The following RANBP17 variants were observed in gnomAD, a reference collection of about 807,000 sequenced individuals.
RANBP17 encodes the protein ran-binding protein 17.
In RANBP17, 158 loss-of-function variants were observed where a neutral mutation model predicts 141.2. The ratio of observed to expected loss-of-function variants is 1.12; its 90% CI spans 0.98 to 1.28. RANBP17 has a LOEUF of 1.28. RANBP17 is among the 50% of genes most tolerant of loss of function. RANBP17 has a pLI of 0.00. For synonymous variants in RANBP17, 430 were observed against 450.0 expected, an observed-to-expected ratio of 0.96 and a Z score of 0.56; for missense variants, 1,438 against 1,290.7, an observed-to-expected ratio of 1.11 and a Z score of -1.75.
At chr5:170,930,034 T>G (rs986052443) in intron 12 of RANBP17, among the ~76,000 whole-genome samples, 8 of 152,184 alleles carry the variant, frequency 5.3e-5, no homozygotes, top group African/African-American at 1.9e-4. Context: ...ATTGATAATT[T>G]TGTCATTTTT....
chr5:171,064,938 T>C (rs1784209653), intron 14 of RANBP17, among the ~76,000 whole-genome samples: 1 of 152,240 alleles, frequency 6.6e-6, no homozygotes, highest in Non-Finnish European at 1.5e-5. Context: ...GTGAATGTTT[T>C]TCCCAATTTT....
intron 14 of RANBP17, among the ~76,000 whole-genome samples, chr5:171,011,259 G>A (rs544327204): frequency 3.3e-5 from 5 of 152,074 alleles, no homozygotes; most frequent in African/African-American, 1.2e-4. Context: ...TGCTTAGTTT[G>A]CCATCACATA....
intron 21 of RANBP17, among the ~76,000 whole-genome samples, chr5:171,221,100 A>G (rs187106679): frequency 6.6e-6 from 1 of 152,190 alleles, no homozygotes; most frequent in Non-Finnish European, 1.5e-5. Flanking sequence ...TAAAAATCAA[A>G]TATGTCAGGA....
chr5:170,881,172 A>G (rs557974861), intron 2 of RANBP17, among the ~76,000 whole-genome samples: 10 of 152,370 alleles, frequency 6.6e-5, no homozygotes, highest in Admixed American at 1.3e-4. Flanking sequence ...CAACCCATGT[A>G]AAAACAGGCA....
intron 14 of RANBP17, among the ~76,000 whole-genome samples, chr5:170,971,843 C>T (rs1777012279): frequency 6.6e-6 from 1 of 152,094 alleles, no homozygotes; most frequent in Non-Finnish European, 1.5e-5. Context: ...TTTGCTTCTC[C>T]CCACTCCACT....
At chr5:171,244,417 A>G (rs1424263495) in intron 24 of RANBP17, among the ~76,000 whole-genome samples, 2 of 151,990 alleles carry the variant, frequency 1.3e-5, no homozygotes. Context: ...CATTTTAGAC[A>G]TTATATTTTT....
At chr5:171,066,276 C>T (rs998108276) in intron 14 of RANBP17, among the ~76,000 whole-genome samples, 1 of 152,152 alleles carries the variant, frequency 6.6e-6, no homozygotes, top group Non-Finnish European at 1.5e-5. Context: ...ACTTATTTCT[C>T]CTATCCCACT....
chr5:170,935,362 G>A (rs774676551), intron 12 of RANBP17, among the ~76,000 whole-genome samples: 7 of 152,208 alleles, frequency 4.6e-5, no homozygotes, highest in African/African-American at 1.2e-4. Flanking sequence ...GAGGAGCTGC[G>A]TTCCTTTGGA....
chr5:171,142,148 C>G (rs1757746484), intron 14 of RANBP17, among the ~76,000 whole-genome samples: 1 of 152,194 alleles, frequency 6.6e-6, no homozygotes, highest in East Asian at 1.9e-4. Flanking sequence ...CATGAGTTTA[C>G]TTTTGGTTTT....
chr5:171,090,349 T>C (rs1023542138), intron 14 of RANBP17, among the ~76,000 whole-genome samples: 3 of 152,152 alleles, frequency 2.0e-5, no homozygotes, highest in Non-Finnish European at 4.4e-5. Context: ...GGAATTTGAA[T>C]TCGAGAGAGA....
At chr5:171,160,728 C>A (rs1759288414) in intron 14 of RANBP17, among the ~76,000 whole-genome samples, 1 of 152,100 alleles carries the variant, frequency 6.6e-6, no homozygotes, top group African/African-American at 2.4e-5. Context: ...CTGCTTAAGT[C>A]ATTAGCCTCA....
intron 14 of RANBP17, among the ~76,000 whole-genome samples, chr5:171,062,244 C>A (rs916775291): frequency 2.0e-5 from 3 of 152,306 alleles, no homozygotes; most frequent in Non-Finnish European, 1.5e-5. Context: ...GATGGAGTTT[C>A]TTCCTAGCCT....
chr5:171,040,030 A>G (rs1782153546), intron 14 of RANBP17, among the ~76,000 whole-genome samples: 1 of 152,112 alleles, frequency 6.6e-6, no homozygotes, highest in South Asian at 2.1e-4. Flanking sequence ...CCGTGAAGCC[A>G]GCATCAGCCT....
At chr5:170,915,753 C>G (rs959983216) in intron 8 of RANBP17, among the ~76,000 whole-genome samples, 1 of 151,776 alleles carries the variant, frequency 6.6e-6, no homozygotes, top group Non-Finnish European at 1.5e-5. Context: ...TTCCCCCTGC[C>G]CCCCCCAACA....
At chr5:171,147,378 TGTGG>T (rs1488282832) in intron 14 of RANBP17, among the ~76,000 whole-genome samples, 1 of 146,082 alleles carries the variant, frequency 6.8e-6, no homozygotes, top group Non-Finnish European at 1.5e-5. Flanking sequence ...TGTGTGTGTG[TGTGG>T]TTGTTTGTTT....
intron 21 of RANBP17, among the ~76,000 whole-genome samples, chr5:171,221,334 A>T (rs1477811480): frequency 2.0e-5 from 3 of 152,210 alleles, no homozygotes; most frequent in East Asian, 3.8e-4. Flanking sequence ...ATCACTTTAG[A>T]ATTTGTTTTA....
At chr5:171,146,643 A>G (rs1484270632) in intron 14 of RANBP17, among the ~76,000 whole-genome samples, 2 of 152,230 alleles carry the variant, frequency 1.3e-5, no homozygotes, top group Non-Finnish European at 2.9e-5. Context: ...CCCCCAAAAT[A>G]GAACAACTTC....
At chr5:170,918,428 A>ACACACACACAC (rs1554134261) in intron 9 of RANBP17, 52 of 229,066 alleles carry the variant, frequency 2.3e-4, no homozygotes, top group Non-Finnish European at 3.4e-4. Flanking sequence ...ACACACACAC[A>ACACACACACAC]ACTTTTGTGT....
intron 25 of RANBP17, among the ~76,000 whole-genome samples, chr5:171,273,835 T>C (rs1052084303): frequency 1.3e-5 from 2 of 152,168 alleles, no homozygotes; most frequent in Admixed American, 1.3e-4. Context: ...AAGCATACTT[T>C]TTTGGTTAGT....
Sources: allele counts gnomAD v4.1 joint callset (sites outside exome capture counted in the v4.1 genomes callset), GRCh38; gene constraint gnomAD v4.1.1; transcripts MANE v1.5; gene names NCBI Gene and HGNC (gene_info 2026-07-23, HGNC 2026-07-21).